The following DNAJC1 variants were observed in gnomAD, a reference collection of about 807,000 sequenced individuals.
DNAJC1 encodes DnaJ heat shock protein family (Hsp40) member C1, also known as dnaJ homolog subfamily C member 1.
DNAJC1 carries 58 observed loss-of-function variants against 76.6 expected under a neutral mutation model. The observed-to-expected ratio is 0.76, with a 90% CI of 0.61 to 0.94. DNAJC1 has a LOEUF of 0.94. Ranked by LOEUF, DNAJC1 falls within the 40% of genes least tolerant of loss-of-function variation. DNAJC1 has a pLI of 0.00. For synonymous variants in DNAJC1, 258 were observed against 267.9 expected, an observed-to-expected ratio of 0.96 and a Z score of 0.36; for missense variants, 689 against 677.3, an observed-to-expected ratio of 1.02 and a Z score of -0.19.
intron 9 of DNAJC1, among the ~76,000 whole-genome samples, chr10:21,794,428 A>G (rs919155028): frequency 6.6e-6 from 1 of 152,182 alleles, no homozygotes; most frequent in Non-Finnish European, 1.5e-5. Context: ...AAGACATTTC[A>G]TGTTCATGAA....
intron 9 of DNAJC1, among the ~76,000 whole-genome samples, chr10:21,779,926 G>A (rs1308293743): frequency 3.3e-5 from 5 of 152,176 alleles, no homozygotes; most frequent in African/African-American, 1.2e-4. Flanking sequence ...GAAAACCATG[G>A]CAAGAGAACT....
intron 9 of DNAJC1, among the ~76,000 whole-genome samples, chr10:21,796,556 C>G (rs193086585): frequency 1.9e-4 from 29 of 152,254 alleles, no homozygotes; most frequent in Non-Finnish European, 3.5e-4. Flanking sequence ...TTTCACATTC[C>G]CAGCAACAGT....
intron 8 of DNAJC1, among the ~76,000 whole-genome samples, chr10:21,836,361 A>G (rs1337214304): frequency 6.6e-6 from 1 of 152,250 alleles, no homozygotes; most frequent in Non-Finnish European, 1.5e-5. Flanking sequence ...AGTACCAGCC[A>G]CTGCAAAAAA....
chr10:21,914,618 T>C (rs1836922536), intron 6 of DNAJC1, among the ~76,000 whole-genome samples: 1 of 152,162 alleles, frequency 6.6e-6, no homozygotes, highest in South Asian at 2.1e-4. Flanking sequence ...CCTAAATAGA[T>C]ATACTCAGAA....
chr10:22,000,565 G>C (rs1433026061), intron 1 of DNAJC1, among the ~76,000 whole-genome samples: 1 of 152,144 alleles, frequency 6.6e-6, no homozygotes, highest in Non-Finnish European at 1.5e-5. Context: ...CCTGGCCTTT[G>C]TGCTTACTGT....
rs1228069632 is a variant in DNAJC1 at position 21,918,803 on chromosome 10, T to C, written c.705A>G (p.Leu235=). 2.5e-5 allele frequency: 40 copies of C among 1,613,056 alleles called. No individual in the cohort carries two copies. The highest frequency in any genetic ancestry group is 3.2e-5 in the Non-Finnish European group (38 of 1,179,276). ...CKLGIWFCLT[L]KALPHLIQDA... ...CCTGGATGAGGTGAGGTAATGCTTT[T>C]AGTGTAAGGCAAAACCAAATCCCCA... Residue 235 remains leucine, a synonymous_variant, in exon 6 of 12, where the codon CTA becomes CTG. Transcript: ENST00000376980.
In DNAJC1 at chr10:21,809,574, A is replaced by C. The variant is rs756130834; in HGVS notation, c.979-3475T>G. 3.3e-5 allele frequency among the ~76,000 whole-genome samples: 5 copies of C among 151,430 alleles called. 1 individual carries two copies. The highest frequency in any genetic ancestry group is 4.8e-5 in the African/African-American group (2 of 41,300). On this transcript the variant is annotated intron_variant, in intron 8 of 11. Transcript: ENST00000376980. ...ATTAGATATACATAACACATTAGAT[A>C]TACATAACACATTATTAGATATATA...
intron 8 of DNAJC1, among the ~76,000 whole-genome samples, chr10:21,830,817 T>G (rs972130604): frequency 6.6e-6 from 1 of 152,232 alleles, no homozygotes; most frequent in African/African-American, 2.4e-5. Context: ...ATTCTCATTT[T>G]AGAAGTTCAA....
intron 1 of DNAJC1, among the ~76,000 whole-genome samples, chr10:21,991,249 T>A (rs1838322082): frequency 6.6e-6 from 1 of 152,140 alleles, no homozygotes; most frequent in Non-Finnish European, 1.5e-5. Context: ...GATTTCCTGG[T>A]CAAAATATCA....
At chr10:21,908,935 G>A (rs2131751450) in intron 6 of DNAJC1, among the ~76,000 whole-genome samples, 1 of 151,836 alleles carries the variant, frequency 6.6e-6, no homozygotes, top group African/African-American at 2.4e-5. Context: ...GCCCAGGCTG[G>A]AGTGCAGTGA....
At chr10:21,876,001 G>A (rs902407585) in intron 8 of DNAJC1, among the ~76,000 whole-genome samples, 3 of 151,934 alleles carry the variant, frequency 2.0e-5, no homozygotes, top group South Asian at 4.1e-4. Context: ...TAATTAGAAA[G>A]TGAAATTTGA....
chr10:21,821,611 G>T (rs1384691397), intron 8 of DNAJC1, among the ~76,000 whole-genome samples: 1 of 152,120 alleles, frequency 6.6e-6, no homozygotes, highest in Non-Finnish European at 1.5e-5. Flanking sequence ...TAATAGACAT[G>T]TATTACTCAC....
At chr10:21,787,118 A>T (rs1467471504) in intron 9 of DNAJC1, among the ~76,000 whole-genome samples, 1 of 152,154 alleles carries the variant, frequency 6.6e-6, no homozygotes, top group African/African-American at 2.4e-5. Context: ...ACCTGAGGTC[A>T]GGAGTTTGAG....
intron 1 of DNAJC1, among the ~76,000 whole-genome samples, chr10:21,943,802 A>C (rs1385466200): frequency 6.6e-6 from 1 of 152,224 alleles, no homozygotes; most frequent in Non-Finnish European, 1.5e-5. Context: ...TAAACTGCCT[A>C]GTCCAATTTC....
intron 8 of DNAJC1, among the ~76,000 whole-genome samples, chr10:21,828,016 T>G (rs1835290759): frequency 6.6e-6 from 1 of 152,224 alleles, no homozygotes; most frequent in South Asian, 2.1e-4. Flanking sequence ...ATTGTCAAAT[T>G]ACTCTCCAAA....
chr10:21,781,443 C>T (rs1361139779), intron 9 of DNAJC1, among the ~76,000 whole-genome samples: 4 of 152,244 alleles, frequency 2.6e-5, no homozygotes, highest in East Asian at 1.9e-4. Context: ...ACTCACTCGC[C>T]GGGCGCGGTG....
chr10:21,914,485 C>G (rs1836920233), intron 6 of DNAJC1, among the ~76,000 whole-genome samples: 1 of 152,166 alleles, frequency 6.6e-6, no homozygotes, highest in Non-Finnish European at 1.5e-5. Context: ...ACAATGTACA[C>G]AGATCTTTCA....
At chr10:21,943,298 A>C (rs56921814) in intron 1 of DNAJC1, among the ~76,000 whole-genome samples, 8 of 152,368 alleles carry the variant, frequency 5.3e-5, no homozygotes, top group African/African-American at 1.7e-4. Flanking sequence ...AGAAAAGGGA[A>C]AAAAGCTAGT....
intron 1 of DNAJC1, among the ~76,000 whole-genome samples, chr10:21,950,420 C>T (rs941285352): frequency 2.6e-5 from 4 of 151,892 alleles, no homozygotes; most frequent in Admixed American, 6.6e-5. Flanking sequence ...CTGACTGATC[C>T]GACGACCAGC....
Sources: gnomAD v4.1 joint callset for allele counts (sites outside exome capture counted in the v4.1 genomes callset) on GRCh38, gnomAD v4.1.1 for gene constraint, MANE v1.5 for transcripts, NCBI Gene and HGNC (gene_info 2026-07-23, HGNC 2026-07-21) for gene names.